The following WDR36 variants were observed in gnomAD, a reference collection of about 807,000 sequenced individuals.
WDR36 encodes WD repeat-containing protein 36.
In WDR36, 63 loss-of-function variants were observed where a neutral mutation model predicts 112.7. The observed-to-expected ratio is 0.56, with a 90% CI of 0.46 to 0.69. WDR36 has a LOEUF of 0.69. Ranked by LOEUF, WDR36 falls within the 30% of genes least tolerant of loss-of-function variation. The probability of loss-of-function intolerance (pLI) is 0.00; values close to 1 mark genes in which losing one functional copy is unlikely to be tolerated. For missense variants in WDR36, 1,226 were observed against 1,070.3 expected, an observed-to-expected ratio of 1.15 and a Z score of -2.03; for synonymous variants, 410 against 362.2, an observed-to-expected ratio of 1.13 and a Z score of -1.50.
At chr5:111,095,710 C>T (rs932934628) in intron 2 of WDR36, among the ~76,000 whole-genome samples, 4 of 152,130 alleles carry the variant, frequency 2.6e-5, no homozygotes, top group East Asian at 3.9e-4. Context: ...CAAAAAAATC[C>T]GGAATCTGAA....
chr5:111,120,562 A>G lies in WDR36; in HGVS notation c.1971A>G (p.Ile657Met). Reference sequence around the variant, plus strand: ...TTCCTGCAGATTATGTCCCTTCAATAGTCATGCTTCCTGGTACTTGTCAAA... The same window carrying G: ...TTCCTGCAGATTATGTCCCTTCAATGGTCATGCTTCCTGGTACTTGTCAAA... ...RPLPADYVPS[I>M]VMLPGTCQTQ... Residue 657 changes from isoleucine (I) to methionine (M), a missense_variant, in exon 18 of 23, where the codon ATA becomes ATG. Physicochemically the swap from Ile to Met is conservative, Grantham distance 10. Coordinates refer to ENST00000513710, the MANE Select transcript of WDR36 (RefSeq NM_139281.3). 1 of 1,613,020 alleles carries G rather than the reference A, an allele frequency of 6.2e-7. No homozygotes were observed. Among genetic ancestry groups the G allele is most frequent in the Non-Finnish European group, 8.5e-7 (1 of 1,179,252 alleles).
chr5:111,093,262 C>T (rs1752906125), intron 1 of WDR36, among the ~76,000 whole-genome samples: 2 of 152,188 alleles, frequency 1.3e-5, no homozygotes, highest in South Asian at 2.1e-4. Context: ...GTTCATCGAT[C>T]ATTGTAATAG....
In WDR36 at chr5:111,125,638, C is replaced by T. The variant is rs752827151; in HGVS notation, c.2381C>T (p.Ser794Leu). 8 of 1,613,692 alleles carry T rather than the reference C, an allele frequency of 5.0e-6. No homozygotes were observed. Among genetic ancestry groups the T allele is most frequent in the Non-Finnish European group, 6.8e-6 (8 of 1,179,786 alleles). Reference protein sequence around the residue: ...YDTALNLLKESGPSGIETELR... With the variant: ...YDTALNLLKELGPSGIETELR... ...ACTGCTCTCAACCTTCTGAAAGAAT[C>T]AGGCCCATCAGGAATTGAAACAGAG... The change falls in exon 22 of 23, where the codon TCA (serine) becomes TTA (leucine). Residue 794 changes from serine (S) to leucine (L), a missense_variant. Physicochemically the swap from Ser to Leu is moderately radical, Grantham distance 145 (BLOSUM62 -2). Transcript: ENST00000513710.
intron 5 of WDR36, among the ~76,000 whole-genome samples, chr5:111,101,823 T>C (rs1753126482): frequency 6.6e-6 from 1 of 151,832 alleles, no homozygotes; most frequent in South Asian, 2.1e-4. Context: ...TCTTTGCCCA[T>C]TTACAGAATT....
Position 111,110,698 on chromosome 5 carries a change from A to G in WDR36, c.1442-90A>G, listed in dbSNP as rs1280454499. The G allele has an allele frequency of 4.3e-6, 6 of 1,380,394 alleles. No individual in the cohort carries two copies. In the East Asian group the frequency reaches 1.2e-4, roughly 28 times the overall value. 85.5% of individuals were successfully genotyped at this position (1,380,394 alleles called of 1,614,324 possible). ...AAAGGATATTTAAGTGGCACCTTAC[A>G]TATTTGAATGAAGGAATCACTGTGT... On this transcript the variant is annotated intron_variant, in intron 13 of 22. Coordinates refer to ENST00000513710, the MANE Select transcript of WDR36 (RefSeq NM_139281.3).
intron 1 of WDR36, 115 bp downstream of exon 1, chr5:111,092,733 C>T: frequency 8.2e-7 from 1 of 1,214,550 alleles, no homozygotes; most frequent in Non-Finnish European, 1.2e-6. Context: ...CTTCTTTAAC[C>T]CCTCCCTGTC....
intron 20 of WDR36, 26 bp from the exon 21 acceptor site, chr5:111,124,082 A>C (rs559529670): frequency 6.2e-7 from 1 of 1,608,862 alleles, no homozygotes; most frequent in South Asian, 1.1e-5. Flanking sequence ...AATTATTTGA[A>C]TAATGTGTAT....
chr5:111,108,777 G>T (rs1482989383), intron 12 of WDR36, among the ~76,000 whole-genome samples: 1 of 151,272 alleles, frequency 6.6e-6, no homozygotes, highest in East Asian at 1.9e-4. Context: ...AATGAAGCGA[G>T]TAAGGGGCAG....
chr5:111,105,317 A>C lies in WDR36; in HGVS notation c.1050A>C (p.Ser350=). The change falls in exon 10 of 23, where the codon TCA becomes TCC. Residue 350 remains serine (S), a synonymous_variant. Coordinates refer to ENST00000513710, the MANE Select transcript of WDR36 (RefSeq NM_139281.3). ...CAGGTCAAGATGGAACTCTTCAGTCATTTTCCACGGTACATGAAAAATTCA... is the reference window on the plus strand; with the variant it reads ...CAGGTCAAGATGGAACTCTTCAGTCCTTTTCCACGGTACATGAAAAATTCA... The part of the protein sequence containing the change: ...LSASQDGTLQ[S]FSTVHEKFNK... 1 of 1,610,056 alleles carries C rather than the reference A, an allele frequency of 6.2e-7. No individual in the cohort carries two copies. The highest frequency in any genetic ancestry group is 8.5e-7 in the Non-Finnish European group (1 of 1,177,226).
chr5:111,102,633 G>T lies in WDR36; in HGVS notation c.597+234G>T, dbSNP rs369149226. ...TGTGCTTATAGTTTGACTTAAATCT[G>T]TGGTTGCTATGGATCCTTGTTTCTA... On this transcript the variant is annotated intron_variant, in intron 6 of 22. Transcript: ENST00000513710. 2.0e-5 allele frequency among the ~76,000 whole-genome samples: 3 copies of T among 151,724 alleles called. No individual in the cohort carries two copies. The East Asian group carries it at 5.8e-4, about 29-fold the overall frequency.
chr5:111,121,356 A>T (rs1643610677), intron 19 of WDR36, among the ~76,000 whole-genome samples: 1 of 152,190 alleles, frequency 6.6e-6, no homozygotes, highest in African/African-American at 2.4e-5. Flanking sequence ...CTCAGCAGAC[A>T]TTTGGATGTG....
chr5:111,095,068 C>T (rs1752947030), intron 2 of WDR36, 121 bp downstream of exon 2: 2 of 877,442 alleles, frequency 2.3e-6, no homozygotes, highest in Admixed American at 2.6e-5. Flanking sequence ...TATAAACTTA[C>T]ATTATCAGCA....
In WDR36 at chr5:111,121,085, C is replaced by T. The variant is rs1022091409; in HGVS notation, c.2092C>T (p.Leu698Phe). 2 of 1,613,610 alleles carry T rather than the reference C, an allele frequency of 1.2e-6. No individual in the cohort carries two copies. Among genetic ancestry groups the T allele is most frequent in the African/African-American group, 1.3e-5 (1 of 75,010 alleles). ...ACAGTTGAATGAGCAATTGGTGACT[C>T]TTTCACTTCTTCCTGAATCACGATG... ...PEQLNEQLVT[L>F]SLLPESRWKN... is the part of the protein sequence containing the mutation. Residue 698 changes from leucine (L) to phenylalanine (F), a missense_variant, in exon 19 of 23, where the codon CTT becomes TTT. Coordinates refer to ENST00000513710, the MANE Select transcript of WDR36 (RefSeq NM_139281.3).
At chr5:111,114,883 A>T (rs1753424604) in intron 16 of WDR36, among the ~76,000 whole-genome samples, 1 of 152,104 alleles carries the variant, frequency 6.6e-6, no homozygotes, top group Admixed American at 6.6e-5. Flanking sequence ...TTAGTGAGAG[A>T]GATAGATTAT....
chr5:111,102,183 A>G (rs1026642437), intron 5 of WDR36, among the ~76,000 whole-genome samples, 162 bp from the exon 6 acceptor site: 1 of 151,526 alleles, frequency 6.6e-6, no homozygotes. Context: ...TCTGGACAAT[A>G]TTACTAACCT....
chr5:111,110,379 C>CT, intron 13 of WDR36, 76 bp downstream of exon 13: 1 of 1,231,342 alleles, frequency 8.1e-7, no homozygotes, highest in Non-Finnish European at 1.2e-6. Flanking sequence ...TATGTATAAT[C>CT]TTTAAGTGCT....
chr5:111,121,896 A>G (rs573335772), intron 19 of WDR36, among the ~76,000 whole-genome samples: 7 of 152,310 alleles, frequency 4.6e-5, no homozygotes, highest in African/African-American at 1.4e-4. Context: ...AGACATACAC[A>G]TACACTAGAT....
intron 11 of WDR36, 21 bp downstream of exon 11, chr5:111,106,164 T>C (rs1439831425): frequency 1.3e-6 from 2 of 1,579,824 alleles, no homozygotes; most frequent in Admixed American, 3.4e-5. Context: ...TCAAACTGTG[T>C]TTTGAGAAGT....
Position 111,121,085 on chromosome 5 carries a change from C to G in WDR36, c.2092C>G (p.Leu698Val). ...PEQLNEQLVT[L>V]SLLPESRWKN... ...ACAGTTGAATGAGCAATTGGTGACT[C>G]TTTCACTTCTTCCTGAATCACGATG... The change falls in exon 19 of 23, where the codon CTT becomes GTT. Residue 698 changes from leucine to valine, a missense_variant. Transcript: ENST00000513710. 6.2e-7 allele frequency: 1 copy of G among 1,613,610 alleles called. No individual in the cohort carries two copies. The highest frequency in any genetic ancestry group is 8.5e-7 in the Non-Finnish European group (1 of 1,179,686).
Sources: allele counts gnomAD v4.1 joint callset (sites outside exome capture counted in the v4.1 genomes callset), GRCh38; gene constraint gnomAD v4.1.1; transcripts MANE v1.5; gene names NCBI Gene and HGNC (gene_info 2026-07-23, HGNC 2026-07-21).